Variants in ST8SIA1 observed in about 807,000 individuals in gnomAD.
ST8SIA1 encodes ST8 alpha-N-acetyl-neuraminide alpha-2,8-sialyltransferase 1.
A neutral mutation model predicts 35.9 loss-of-function variants in ST8SIA1; 16 were observed. The observed-to-expected ratio is 0.45, with a 90% CI of 0.30 to 0.68. ST8SIA1 has a LOEUF of 0.68. Ranked by LOEUF, ST8SIA1 falls within the 30% of genes least tolerant of loss-of-function variation. The pLI is 0.09. For synonymous variants in ST8SIA1, 170 were observed against 169.6 expected, an observed-to-expected ratio of 1.00 and a Z score of -0.02; for missense variants, 383 against 453.6, an observed-to-expected ratio of 0.84 and a Z score of 1.41.
chr12:22,284,753 A>C (rs1220466165), intron 2 of ST8SIA1, among the ~76,000 whole-genome samples: 1 of 152,254 alleles, frequency 6.6e-6, no homozygotes, highest in Non-Finnish European at 1.5e-5. Context: ...TGCAACTGGC[A>C]CAAAGAGGCA....
In ST8SIA1 at chr12:22,244,657, C is replaced by T. The variant is rs192742729; in HGVS notation, c.584+4349G>A. Among the ~76,000 whole-genome samples the T allele has an allele frequency of 5.3e-3, 799 of 152,108 alleles. 6 individuals carry two copies. The highest frequency in any genetic ancestry group is 6.8e-3 in the Non-Finnish European group (460 of 67,980). Reference sequence around the variant, plus strand: ...TTTTTTGGTAGAGACGAGGTTTTGCCATGTTGTCCGGACTGGTCTCAACTC... The same window carrying T: ...TTTTTTGGTAGAGACGAGGTTTTGCTATGTTGTCCGGACTGGTCTCAACTC... On this transcript the variant is annotated intron_variant, in intron 4 of 4. Transcript: ENST00000396037.
Position 22,195,808 on chromosome 12 carries a change from T to A in ST8SIA1, c.*5744A>T, listed in dbSNP as rs1864980651. On this transcript the variant is annotated 3_prime_UTR_variant, in exon 5 of 5. Coordinates refer to ENST00000396037, the MANE Select transcript of ST8SIA1 (RefSeq NM_003034.4). ...GGTTAAACCTTTTTTTATTACAATTTTCTGTTCGTAATGCTGTGCAGATAA... is the reference window on the plus strand; with the variant it reads ...GGTTAAACCTTTTTTTATTACAATTATCTGTTCGTAATGCTGTGCAGATAA... 1 of 152,246 alleles carries A rather than the reference T, an allele frequency of 6.6e-6. No individual in the cohort carries two copies. Among genetic ancestry groups the A allele is most frequent in the Non-Finnish European group, 1.5e-5 (1 of 68,050 alleles). The allele number at this position is 152,246 out of a possible 1,614,324, so 9.4% of individuals were successfully genotyped here.
At chr12:22,223,845 A>C in intron 4 of ST8SIA1, 1 of 1,134,374 alleles carries the variant, frequency 8.8e-7, no homozygotes. Flanking sequence ...TTAACAATAG[A>C]ATGTTTCTAA....
At chr12:22,230,461 G>A (rs1049496741) in intron 4 of ST8SIA1, among the ~76,000 whole-genome samples, 15 of 152,232 alleles carry the variant, frequency 9.9e-5, no homozygotes, top group African/African-American at 3.4e-4. Context: ...ATAACTAGCT[G>A]TATAAATGGA....
At chr12:22,284,379 C>T (rs1188231796) in intron 2 of ST8SIA1, among the ~76,000 whole-genome samples, 2 of 152,190 alleles carry the variant, frequency 1.3e-5, no homozygotes, top group African/African-American at 4.8e-5. Context: ...TGCATTTCTA[C>T]CTCACCTGCA....
At chr12:22,306,721 TC>T (rs1421611256) in intron 1 of ST8SIA1, among the ~76,000 whole-genome samples, 1 of 152,172 alleles carries the variant, frequency 6.6e-6, no homozygotes, top group Admixed American at 6.5e-5. Flanking sequence ...CACTTGGTGT[TC>T]CCTTGCAACC....
chr12:22,316,945 T>C (rs748907111), intron 1 of ST8SIA1, among the ~76,000 whole-genome samples: 1 of 152,170 alleles, frequency 6.6e-6, no homozygotes, highest in Non-Finnish European at 1.5e-5. Context: ...TCATACACTC[T>C]TGGTCACAAA....
chr12:22,199,510 C>G lies in ST8SIA1; in HGVS notation c.*2042G>C, dbSNP rs1865027232. ...TTTCACTCAAAGTGAATATTTAACA[C>G]AATTTCTTCATGGTACATTCTCATT... On this transcript the variant is annotated 3_prime_UTR_variant, in exon 5 of 5. Transcript: ENST00000396037. 6.6e-6 allele frequency: 1 copy of G among 152,122 alleles called. No homozygotes were observed. Among genetic ancestry groups the G allele is most frequent in the African/African-American group, 2.4e-5 (1 of 41,420 alleles). The allele number at this position is 152,122 out of a possible 1,614,324, so 9.4% of individuals were successfully genotyped here.
chr12:22,333,783 G>A (rs1378751021), intron 1 of ST8SIA1: 1 of 756,672 alleles, frequency 1.3e-6, no homozygotes, highest in Non-Finnish European at 2.4e-6. Flanking sequence ...CGCAAAGCAG[G>A]TGTCTGCACA....
Position 22,197,994 on chromosome 12 carries a change from A to G in ST8SIA1, c.*3558T>C, listed in dbSNP as rs943422082. 6.6e-6 allele frequency: 1 copy of G among 152,222 alleles called. No individual in the cohort carries two copies. The highest frequency in any genetic ancestry group is 1.5e-5 in the Non-Finnish European group (1 of 68,042). The allele number at this position is 152,222 out of a possible 1,614,324, so 9.4% of individuals were successfully genotyped here. ...CATATGTGTCTGTGAGTCATTGTCC[A>G]TATAAAAATCTTTCATATAAACATT... On this transcript the variant is annotated 3_prime_UTR_variant, in exon 5 of 5. Coordinates refer to ENST00000396037, the MANE Select transcript of ST8SIA1 (RefSeq NM_003034.4).
At chr12:22,255,244 G>A (rs1241952698) in intron 3 of ST8SIA1, 36 bp downstream of exon 3, 1 of 1,562,558 alleles carries the variant, frequency 6.4e-7, no homozygotes, top group Non-Finnish European at 8.8e-7. Context: ...GAAAAGGAGA[G>A]AAGGCAGAGG....
intron 2 of ST8SIA1, among the ~76,000 whole-genome samples, chr12:22,263,253 A>C (rs967211574): frequency 6.6e-6 from 1 of 152,200 alleles, no homozygotes; most frequent in African/African-American, 2.4e-5. Flanking sequence ...TCCGTGTTTT[A>C]AGTTTAATAT....
At chr12:22,328,726 G>A (rs1423560973) in intron 1 of ST8SIA1, among the ~76,000 whole-genome samples, 1 of 152,114 alleles carries the variant, frequency 6.6e-6, no homozygotes, top group East Asian at 1.9e-4. Context: ...AAGGAGTAAG[G>A]GAAGCCACCT....
chr12:22,272,152 A>C (rs78399338), intron 2 of ST8SIA1, among the ~76,000 whole-genome samples: 82 of 152,306 alleles, frequency 5.4e-4, no homozygotes, highest in African/African-American at 1.9e-3. Flanking sequence ...AAAATGCCTT[A>C]AGTGAACGTT....
At chr12:22,332,613 T>G (rs1479899699) in intron 1 of ST8SIA1, among the ~76,000 whole-genome samples, 1 of 152,048 alleles carries the variant, frequency 6.6e-6, no homozygotes, top group Non-Finnish European at 1.5e-5. Flanking sequence ...AAGAGTGAGG[T>G]TATTTTTAAA....
chr12:22,269,177 C>T (rs147231762), intron 2 of ST8SIA1, among the ~76,000 whole-genome samples: 540 of 151,778 alleles, frequency 3.6e-3, no homozygotes, highest in Non-Finnish European at 4.2e-3. Flanking sequence ...AAAATACATG[C>T]TTTAGGGAAT....
chr12:22,278,496 A>G (rs945264429), intron 2 of ST8SIA1, among the ~76,000 whole-genome samples: 3 of 152,200 alleles, frequency 2.0e-5, no homozygotes, highest in African/African-American at 4.8e-5. Context: ...AACTAACCAT[A>G]CTTTGTGAAT....
At chr12:22,300,420 G>T (rs903713937) in intron 1 of ST8SIA1, among the ~76,000 whole-genome samples, 2 of 152,014 alleles carry the variant, frequency 1.3e-5, no homozygotes, top group African/African-American at 4.8e-5. Flanking sequence ...AACGTCAAAG[G>T]CACACTAATG....
In ST8SIA1 at chr12:22,320,992, AAAG is replaced by A. The variant is rs745863265; in HGVS notation, c.236+13002_236+13004del. 2.5e-3 allele frequency among the ~76,000 whole-genome samples: 282 copies of A among 112,604 alleles called. 2 individuals are homozygous for A. The highest frequency in any genetic ancestry group is 4.2e-3 in the Middle Eastern group (1 of 238). 73.9% of individuals were successfully genotyped at this position (112,604 alleles called of 152,430 possible). On this transcript the variant is annotated intron_variant, in intron 1 of 4. Transcript: ENST00000396037. ...GAAAGAAAGAAAGAAAGAAAGAAAG[AAAG>A]AAAGAAAGAAGAAAGAAAGAAAGAA...
Sources: gnomAD v4.1 joint callset for allele counts (sites outside exome capture counted in the v4.1 genomes callset) on GRCh38, gnomAD v4.1.1 for gene constraint, MANE v1.5 for transcripts, NCBI Gene and HGNC (gene_info 2026-07-23, HGNC 2026-07-21) for gene names.